The following FUT8 variants were observed in gnomAD, a reference collection of about 807,000 sequenced individuals.
FUT8 encodes the protein alpha-(1,6)-fucosyltransferase.
In FUT8, 29 loss-of-function variants were observed where a neutral mutation model predicts 71.3. The observed-to-expected ratio is 0.41, with a 90% CI of 0.30 to 0.55. The LOEUF (loss-of-function observed/expected upper bound fraction) is 0.55. FUT8 is among the 20% of genes least tolerant of loss of function. FUT8 has a pLI of 0.34. For missense variants in FUT8, 544 were observed against 702.1 expected, an observed-to-expected ratio of 0.77 and a Z score of 2.55; for synonymous variants, 254 against 239.3, an observed-to-expected ratio of 1.06 and a Z score of -0.57.
Position 65,669,417 on chromosome 14 carries a change from G to A in FUT8, c.772G>A (p.Val258Ile). 6.2e-7 allele frequency: 1 copy of A among 1,613,764 alleles called. No homozygotes were observed. The change falls in exon 7 of 11, where the codon GTA becomes ATA. Residue 258 changes from valine (V) to isoleucine (I), a missense_variant. Val to Ile is a conservative substitution (Grantham distance 29). Coordinates refer to ENST00000673929, the MANE Select transcript of FUT8 (RefSeq NM_001371533.1). The surrounding 1 kb of genome is among the most constrained non-coding windows in gnomAD (Gnocchi z 4.5). ...WRYATGGWETVFRPVSETCTD... is the reference protein window; with the variant it reads ...WRYATGGWETIFRPVSETCTD... ...CTATGCTACTGGTGGATGGGAGACT[G>A]TATTTAGGCCTGTAAGTGAGACATG...
chr14:65,456,795 C>T (rs1039730927), intron 2 of FUT8, among the ~76,000 whole-genome samples: 3 of 151,350 alleles, frequency 2.0e-5, no homozygotes, highest in African/African-American at 7.3e-5. Flanking sequence ...ATCGCTTGAA[C>T]CCGGGAGGCA....
In FUT8 at chr14:65,616,081, C is replaced by T; in HGVS notation, c.307C>T (p.Gln103Ter). ...AKEQIENYKK[Q>*]TRNGLGKDHE... ...AGAACAGATTGAAAATTACAAGAAACAGACCAGAAATGGTAGGTGATTATA... is the reference window on the plus strand; with the variant it reads ...AGAACAGATTGAAAATTACAAGAAATAGACCAGAAATGGTAGGTGATTATA... The change falls in exon 4 of 11, where the codon CAG (glutamine) becomes TAG (stop). Residue 103 changes from glutamine (Q) to a stop codon, truncating the protein, a stop_gained. Coordinates refer to ENST00000673929, the MANE Select transcript of FUT8 (RefSeq NM_001371533.1). LOFTEE classifies it high-confidence loss of function. 6.2e-7 allele frequency: 1 copy of T among 1,613,564 alleles called. No individual in the cohort carries two copies. The highest frequency in any genetic ancestry group is 8.5e-7 in the Non-Finnish European group (1 of 1,179,608).
In FUT8 at chr14:65,483,820, C is replaced by T. The variant is rs1375654502; in HGVS notation, c.-228+28102C>T. ...TGATATCAGCTCACTGCAACCTTCA[C>T]CTTCTGGTTTCAAGTGATTCTTCTG... On this transcript the variant is annotated intron_variant, in intron 2 of 10. Coordinates refer to ENST00000673929, the MANE Select transcript of FUT8 (RefSeq NM_001371533.1). This position sits in a 1 kb window ranked among gnomAD's most constrained non-coding sequence, Gnocchi z 4.4. Among the ~76,000 whole-genome samples the T allele has an allele frequency of 1.3e-5, 2 of 151,558 alleles. No homozygotes were observed. Among genetic ancestry groups the T allele is most frequent in the African/African-American group, 4.9e-5 (2 of 40,958 alleles).
At chr14:65,493,093 G>A (rs1270927454) in intron 2 of FUT8, among the ~76,000 whole-genome samples, 1 of 152,088 alleles carries the variant, frequency 6.6e-6, no homozygotes, top group African/African-American at 2.4e-5. Flanking sequence ...GTGCCATAAG[G>A]AATGTACAAT....
In FUT8 at chr14:65,607,270, CT is replaced by C. The variant is rs1359124837; in HGVS notation, c.204-8706del. On this transcript the variant is annotated intron_variant, in intron 3 of 10. Coordinates refer to ENST00000673929, the MANE Select transcript of FUT8 (RefSeq NM_001371533.1). This position sits in a 1 kb window ranked among gnomAD's most constrained non-coding sequence, Gnocchi z 4.1. ...GATGGCAGGCCTGTCTTCTATTGTTCTTAGATTTAAAAGGAATGCTACTGAT... is the reference window on the plus strand; with the variant it reads ...GATGGCAGGCCTGTCTTCTATTGTTCTAGATTTAAAAGGAATGCTACTGAT... 1.3e-5 allele frequency among the ~76,000 whole-genome samples: 2 copies of C among 151,706 alleles called. No homozygotes were observed. Among genetic ancestry groups the C allele is most frequent in the Non-Finnish European group, 2.9e-5 (2 of 67,858 alleles).
intron 2 of FUT8, among the ~76,000 whole-genome samples, chr14:65,540,962 C>G (rs968668405): frequency 6.6e-5 from 10 of 152,146 alleles, no homozygotes; most frequent in Non-Finnish European, 1.2e-4. Flanking sequence ...GTTAAGAAAG[C>G]TAGGCGGCAC....
chr14:65,398,716 C>T, the FUT8 span, among the ~76,000 whole-genome samples: 2 of 149,788 alleles, frequency 1.3e-5, no homozygotes, highest in Admixed American at 6.6e-5. Context: ...GGTGACAGAG[C>T]AGACTCCATC....
intron 3 of FUT8, among the ~76,000 whole-genome samples, chr14:65,586,128 A>T (rs1887366850): frequency 6.6e-6 from 1 of 152,214 alleles, no homozygotes; most frequent in South Asian, 2.1e-4. Context: ...TCCTCAGGTC[A>T]AAATGATATT....
At chr14:65,496,503 C>T (rs1423433197) in intron 2 of FUT8, among the ~76,000 whole-genome samples, 11 of 151,954 alleles carry the variant, frequency 7.2e-5, no homozygotes, top group Non-Finnish European at 4.4e-5. Flanking sequence ...TCATGGGGGT[C>T]GTTCCCCCAT....
At chr14:65,733,505 A>C in intron 10 of FUT8, 124 bp downstream of exon 10, 1 of 607,492 alleles carries the variant, frequency 1.6e-6, no homozygotes, top group South Asian at 3.2e-5. Flanking sequence ...AATTTTTCTG[A>C]TACTCAGTAA....
At chr14:65,548,233 A>G (rs1381243497) in intron 2 of FUT8, among the ~76,000 whole-genome samples, 1 of 151,944 alleles carries the variant, frequency 6.6e-6, no homozygotes, top group South Asian at 2.1e-4. Flanking sequence ...CTTTATAATC[A>G]TCCCCTCCTT....
the FUT8 span, among the ~76,000 whole-genome samples, chr14:65,358,897 G>A: frequency 6.6e-6 from 1 of 152,098 alleles, no homozygotes; most frequent in African/African-American, 2.4e-5. Context: ...TGAGCATCAT[G>A]ACACTTTAAA....
chr14:65,637,003 G>A (rs566654141), intron 6 of FUT8, among the ~76,000 whole-genome samples: 3 of 152,276 alleles, frequency 2.0e-5, no homozygotes, highest in South Asian at 4.1e-4. Flanking sequence ...AAGGGCTTTA[G>A]TCTTTTACTG....
chr14:65,508,491 G>GTTTTTTTTTTTTTTT (rs34809476), intron 2 of FUT8, among the ~76,000 whole-genome samples: 1 of 46,500 alleles, frequency 2.2e-5, no homozygotes, highest in African/African-American at 8.4e-5. Flanking sequence ...AGTTGTTTGA[G>GTTTTTTTTTTTTTTT]TTTTTTTTTT....
At chr14:65,589,668 TCTC>T (rs1274134998) in intron 3 of FUT8, among the ~76,000 whole-genome samples, 3 of 151,990 alleles carry the variant, frequency 2.0e-5, no homozygotes, top group East Asian at 3.9e-4. Flanking sequence ...ATGGTCTCGA[TCTC>T]CTGACCTCGT....
At chr14:65,532,830 C>G (rs965701530) in intron 2 of FUT8, among the ~76,000 whole-genome samples, 3 of 152,126 alleles carry the variant, frequency 2.0e-5, no homozygotes, top group African/African-American at 4.8e-5. Flanking sequence ...AAGAATGTGT[C>G]CAGTTTCAAT....
intron 2 of FUT8, among the ~76,000 whole-genome samples, chr14:65,476,079 G>A (rs553407672): frequency 6.6e-6 from 1 of 152,228 alleles, no homozygotes; most frequent in Admixed American, 6.5e-5. Flanking sequence ...GAGACTTGGT[G>A]ATAAGTCAAG....
At chr14:65,524,626 G>A (rs1390294890) in intron 2 of FUT8, among the ~76,000 whole-genome samples, 1 of 152,196 alleles carries the variant, frequency 6.6e-6, no homozygotes, top group African/African-American at 2.4e-5. Context: ...TAGGAGTGGT[G>A]AGCGAGGGCA....
chr14:65,620,414 G>A (rs1280660702), intron 5 of FUT8, among the ~76,000 whole-genome samples: 1 of 152,152 alleles, frequency 6.6e-6, no homozygotes, highest in South Asian at 2.1e-4. Context: ...TAATTATGCT[G>A]ATTTGCTAAT....
Sources: allele counts gnomAD v4.1 joint callset (sites outside exome capture counted in the v4.1 genomes callset), GRCh38; gene constraint gnomAD v4.1.1; non-coding constraint Gnocchi (gnomAD v3.1); transcripts MANE v1.5; gene names NCBI Gene and HGNC (gene_info 2026-07-23, HGNC 2026-07-21).